The following LRIG2 variants were observed in gnomAD, a reference collection of about 807,000 sequenced individuals.
The protein encoded by LRIG2 is leucine rich repeats and immunoglobulin like domains 2, also known as leucine-rich repeats and immunoglobulin-like domains protein 2.
LRIG2 carries 93 observed loss-of-function variants against 107.8 expected under a neutral mutation model. The observed-to-expected ratio is 0.86, with a 90% CI of 0.73 to 1.03. The LOEUF is 1.03. Ranked by LOEUF, LRIG2 falls within the 50% of genes least tolerant of loss-of-function variation. The probability of loss-of-function intolerance (pLI) is 0.00; values close to 1 mark genes in which losing one functional copy is unlikely to be tolerated. For synonymous variants in LRIG2, 471 were observed against 470.6 expected (o/e 1.00, Z -0.01); for missense variants, 1,226 against 1,296.0 (o/e 0.95, Z 0.83).
rs2101081277 is a variant in LRIG2 at position 113,129,209 on chromosome 1, G to C, written c.*5108G>C. 6.6e-6 allele frequency: 1 copy of C among 150,746 alleles called. No individual in the cohort carries two copies. The highest frequency in any genetic ancestry group is 2.4e-5 in the African/African-American group (1 of 40,876). The allele number at this position is 150,746 out of a possible 1,614,324, so 9.3% of individuals were successfully genotyped here. ...GCCTGTAGTCCTAGCTGCTCGGGAG[G>C]CTAAGGCAGGAGAATCACTTGAACC... On this transcript the variant is annotated 3_prime_UTR_variant, in exon 18 of 18. Coordinates refer to ENST00000361127, the MANE Select transcript of LRIG2 (RefSeq NM_014813.3).
At chr1:113,102,405 A>T (rs1654345229) in intron 11 of LRIG2, among the ~76,000 whole-genome samples, 1 of 151,510 alleles carries the variant, frequency 6.6e-6, no homozygotes, top group South Asian at 2.1e-4. Flanking sequence ...AGTAGCTGGG[A>T]CTACAGGTGC....
At chr1:113,082,313 A>G (rs1296004398) in intron 1 of LRIG2, among the ~76,000 whole-genome samples, 1 of 152,226 alleles carries the variant, frequency 6.6e-6, no homozygotes, top group Non-Finnish European at 1.5e-5. Flanking sequence ...AAGAGAGCCT[A>G]AAGAAATCTG....
intron 17 of LRIG2, 96 bp from the exon 18 acceptor site, chr1:113,123,779 C>G: frequency 1.2e-6 from 1 of 816,488 alleles, no homozygotes; most frequent in Non-Finnish European, 2.0e-6. Flanking sequence ...TGTCCCTATT[C>G]AGGAATATTG....
rs1654061337 is a variant in LRIG2, at chr1:113,096,260, C to A, written c.986C>A (p.Ser329Tyr). ...SYNQLTRLDESAFVGLSLLER... is the reference protein window; with the variant it reads ...SYNQLTRLDEYAFVGLSLLER... ...AACCAGCTGACCCGCCTGGATGAAT[C>A]TGCCTTTGTGGGTCTGAGCTTATTG... The change falls in exon 8 of 18, where the codon TCT becomes TAT. Residue 329 changes from serine (S) to tyrosine (Y), a missense_variant. Physicochemically the swap from Ser to Tyr is moderately radical, Grantham distance 144 (BLOSUM62 -2). Around this residue, in one of 3 missense-constraint regions of LRIG2, gnomAD observed 570 missense variants for 550.2 expected, o/e 1.04. Coordinates refer to ENST00000361127, the MANE Select transcript of LRIG2 (RefSeq NM_014813.3). 3.1e-6 allele frequency: 5 copies of A among 1,614,204 alleles called. No individual in the cohort carries two copies. The highest frequency in any genetic ancestry group is 4.2e-6 in the Non-Finnish European group (5 of 1,180,026).
intron 1 of LRIG2, among the ~76,000 whole-genome samples, chr1:113,074,143 A>AT (rs1292781680): frequency 1.3e-5 from 2 of 152,146 alleles, no homozygotes; most frequent in Admixed American, 6.5e-5. Flanking sequence ...ATGTTGGCTG[A>AT]TTTTGTGCTG....
At chr1:113,079,346 T>TAAA (rs141538883) in intron 1 of LRIG2, among the ~76,000 whole-genome samples, 5 of 123,160 alleles carry the variant, frequency 4.1e-5, no homozygotes, top group Non-Finnish European at 5.0e-5. Context: ...AGATCCTATT[T>TAAA]AAAAAAAAAA....
intron 13 of LRIG2, among the ~76,000 whole-genome samples, chr1:113,112,108 C>T (rs77870114): frequency 7.9e-5 from 1 of 12,656 alleles, no homozygotes; most frequent in African/African-American, 1.0e-4. Flanking sequence ...CTCTGAGGTT[C>T]TGGAAGAAAA....
At position 113,126,120 on chromosome 1, in the gene LRIG2, G is replaced by C. The variant is rs892304044; in HGVS notation, c.*2019G>C. 1.3e-5 allele frequency: 2 copies of C among 152,146 alleles called. No homozygotes were observed. Among genetic ancestry groups the C allele is most frequent in the East Asian group, 1.9e-4 (1 of 5,196 alleles). The allele number at this position is 152,146 out of a possible 1,614,324, so 9.4% of individuals were successfully genotyped here. On this transcript the variant is annotated 3_prime_UTR_variant, in exon 18 of 18. Coordinates refer to ENST00000361127, the MANE Select transcript of LRIG2 (RefSeq NM_014813.3). ...TGTCTGGAGAACGTTTTCCTGGAAA[G>C]GCATTCCATGTTCCAAAAGCTACAA...
chr1:113,093,871 T>C (rs918465639), intron 4 of LRIG2, among the ~76,000 whole-genome samples: 1 of 152,358 alleles, frequency 6.6e-6, no homozygotes, highest in East Asian at 1.9e-4. Context: ...GCTTTTTATA[T>C]GCATATGTGA....
intron 6 of LRIG2, 140 bp from the exon 7 acceptor site, chr1:113,095,734 A>G (rs1654032190): frequency 1.3e-6 from 1 of 747,150 alleles, no homozygotes; most frequent in Non-Finnish European, 2.2e-6. Flanking sequence ...TAAGATATTC[A>G]TTTTTATTGA....
Position 113,124,169 on chromosome 1 carries a change from C to G in LRIG2, c.*68C>G. On this transcript the variant is annotated 3_prime_UTR_variant, in exon 18 of 18. Transcript: ENST00000361127. The stretch of plus-strand genomic sequence containing the variant: ...ATTTTGCATTTACTACCTCAGAGCT[C>G]AGAAGAAACTCCGAAGTCAGCATTT... 1.5e-6 allele frequency: 2 copies of G among 1,349,208 alleles called. No homozygotes were observed. The highest frequency in any genetic ancestry group is 1.4e-5 in the African/African-American group (1 of 69,558). 83.6% of individuals were successfully genotyped at this position (1,349,208 alleles called of 1,614,324 possible).
Position 113,073,427 on chromosome 1 carries a change from C to T in LRIG2, c.21C>T (p.Gly7=), listed in dbSNP as rs780609013. 3.1e-6 allele frequency: 5 copies of T among 1,613,880 alleles called. No individual in the cohort carries two copies. In the African/African-American group the frequency reaches 6.7e-5, roughly 22 times the overall value. Residue 7 remains glycine (G), a synonymous_variant, in exon 1 of 18, where the codon GGC becomes GGT. Transcript: ENST00000361127. ...GGAAAATGGCGCCGGCGCCCCTAGG[C>T]GTCCCGGAGGAGCAGTTGCTGGGGT... MAPAPL[G]VPEEQLLGCR...
At chr1:113,081,534 A>G (rs548089846) in intron 1 of LRIG2, among the ~76,000 whole-genome samples, 2 of 152,186 alleles carry the variant, frequency 1.3e-5, no homozygotes, top group East Asian at 3.9e-4. Flanking sequence ...CATATTGGCC[A>G]GGATAGTCTC....
At chr1:113,090,350 CTT>C (rs1343541932) in intron 1 of LRIG2, among the ~76,000 whole-genome samples, 1 of 152,026 alleles carries the variant, frequency 6.6e-6, no homozygotes, top group East Asian at 1.9e-4. Flanking sequence ...AAGTGGGAGA[CTT>C]TTTACACTTT....
chr1:113,095,133 C>T (rs559026789), intron 6 of LRIG2, among the ~76,000 whole-genome samples: 9 of 151,624 alleles, frequency 5.9e-5, no homozygotes, highest in South Asian at 2.1e-4. Context: ...CCACCAGGCC[C>T]GGCTGATTTT....
intron 1 of LRIG2, 62 bp downstream of exon 1, chr1:113,073,707 A>G: frequency 1.4e-6 from 2 of 1,479,840 alleles, no homozygotes; most frequent in Non-Finnish European, 1.9e-6. Context: ...TACAGGGGGC[A>G]GGCAGGAGGG....
chr1:113,094,793 A>G, intron 6 of LRIG2, 38 bp downstream of exon 6: 3 of 1,598,926 alleles, frequency 1.9e-6, no homozygotes, highest in Non-Finnish European at 2.6e-6. Flanking sequence ...TTAGGAAAGT[A>G]GTCTGTTTGG....
rs1653915055 is a variant in LRIG2 at position 113,093,494 on chromosome 1, T to G, written c.445T>G (p.Leu149Val). 6.2e-7 allele frequency: 1 copy of G among 1,612,152 alleles called. No individual in the cohort carries two copies. The highest frequency in any genetic ancestry group is 1.3e-5 in the African/African-American group (1 of 74,976). The change falls in exon 4 of 18, where the codon TTA becomes GTA. Residue 149 changes from leucine (L) to valine (V), a missense_variant. Leu to Val is a conservative substitution (Grantham distance 32, BLOSUM62 1). This residue lies in a region of LRIG2 where 570 missense variants were observed against 550.2 expected (regional missense o/e 1.04). Coordinates refer to ENST00000361127, the MANE Select transcript of LRIG2 (RefSeq NM_014813.3). The stretch of plus-strand genomic sequence containing the variant: ...CCAGTTTTACCCTGCTCTGGAGAGT[T>G]TAGACCTCAGCTCAAATATAATATC... Reference protein sequence around the residue: ...ALQFYPALESLDLSSNIISEI... With the variant: ...ALQFYPALESVDLSSNIISEI...
In LRIG2 at chr1:113,100,196, C is replaced by G. The variant is rs763014538; in HGVS notation, c.1173-15C>G. The G allele has an allele frequency of 3.4e-6, 5 of 1,475,128 alleles. No individual in the cohort carries two copies. The East Asian group carries it at 1.1e-4, about 34-fold the overall frequency. 91.4% of individuals were successfully genotyped at this position (1,475,128 alleles called of 1,614,324 possible). A position where few individuals can be genotyped will look rare whatever the true frequency, so the allele number is the denominator to read the frequency against. ...TAGTGGAGAGCTTTCTTAGAAAGAT[C>G]TGTTTATATTTCAGAATCTTACAAG... is the stretch of plus-strand genomic sequence containing the variant. On this transcript the variant is annotated splice_polypyrimidine_tract_variant and intron_variant, in intron 9 of 17. Coordinates refer to ENST00000361127, the MANE Select transcript of LRIG2 (RefSeq NM_014813.3).
Sources: allele counts gnomAD v4.1 joint callset (sites outside exome capture counted in the v4.1 genomes callset), GRCh38; gene constraint gnomAD v4.1.1; regional missense constraint gnomAD v4.1.1; transcripts MANE v1.5; gene names NCBI Gene and HGNC (gene_info 2026-07-23, HGNC 2026-07-21).